ZNF395: variants seen among roughly 807,000 people sequenced by gnomAD.
The protein encoded by ZNF395 is zinc finger protein 395.
ZNF395 carries 20 observed loss-of-function variants against 57.7 expected under a neutral mutation model. That is an observed-to-expected ratio of 0.35 (90% confidence interval 0.24 to 0.50). The LOEUF (loss-of-function observed/expected upper bound fraction) is 0.50, where lower values mean the gene tolerates loss of function less well. Ranked by LOEUF, ZNF395 falls within the 20% of genes least tolerant of loss-of-function variation. The pLI, the probability that ZNF395 is intolerant of heterozygous loss-of-function variation, is 0.97. For synonymous variants in ZNF395, 295 were observed against 275.9 expected, an observed-to-expected ratio of 1.07 and a Z score of -0.69; for missense variants, 606 against 671.2, an observed-to-expected ratio of 0.90 and a Z score of 1.07.
At chr8:28,378,486 C>A (rs574380229) in intron 1 of ZNF395, among the ~76,000 whole-genome samples, 1 of 152,326 alleles carries the variant, frequency 6.6e-6, no homozygotes, top group South Asian at 2.1e-4. Flanking sequence ...AGCAATCCAC[C>A]CACCTCAGTC....
At chr8:28,358,890 G>C (rs572522954) in intron 3 of ZNF395, among the ~76,000 whole-genome samples, 2 of 152,316 alleles carry the variant, frequency 1.3e-5, no homozygotes, top group Non-Finnish European at 2.9e-5. Context: ...CAGCAGAGCT[G>C]AGCAGTGGGG....
At chr8:28,377,387 A>C (rs1215634505) in intron 1 of ZNF395, among the ~76,000 whole-genome samples, 1 of 152,218 alleles carries the variant, frequency 6.6e-6, no homozygotes, top group Non-Finnish European at 1.5e-5. Context: ...CTGGCAACAG[A>C]GTAAGATCCT....
At chr8:28,371,489 C>T (rs1240008333) in intron 1 of ZNF395, among the ~76,000 whole-genome samples, 1 of 152,162 alleles carries the variant, frequency 6.6e-6, no homozygotes, top group African/African-American at 2.4e-5. Context: ...ACAAGCTATG[C>T]TCTTTCTACT....
intron 4 of ZNF395, among the ~76,000 whole-genome samples, chr8:28,354,648 T>C (rs558546599): frequency 6.6e-6 from 1 of 152,162 alleles, no homozygotes; most frequent in South Asian, 2.1e-4. Context: ...GAAGAACTCT[T>C]CCCTGCCCAG....
intron 7 of ZNF395, among the ~76,000 whole-genome samples, chr8:28,350,497 C>A (rs1462339423): frequency 6.6e-6 from 1 of 152,216 alleles, no homozygotes; most frequent in Non-Finnish European, 1.5e-5. Context: ...AAAGAGGCCC[C>A]AAGCCTTCTG....
Position 28,361,053 on chromosome 8 carries a change from G to A in ZNF395, c.72C>T (p.Ala24=). The change falls in exon 2 of 10, where the codon GCC becomes GCT. Residue 24 remains alanine, a synonymous_variant. Transcript: ENST00000344423. Reference sequence around the variant, plus strand: ...GTGGGGCAGCCGAGGGCCCCTCCGAGGCACTGGGTCCCAACACCCGGGCTC... The same window carrying A: ...GTGGGGCAGCCGAGGGCCCCTCCGAAGCACTGGGTCCCAACACCCGGGCTC... ...LLGARVLGPS[A]SEGPSAAPPS... 1 of 1,612,004 alleles carries A rather than the reference G, an allele frequency of 6.2e-7. No homozygotes were observed. The highest frequency in any genetic ancestry group is 8.5e-7 in the Non-Finnish European group (1 of 1,179,380).
At chr8:28,366,847 C>T (rs1457873933) in intron 1 of ZNF395, among the ~76,000 whole-genome samples, 15 of 148,352 alleles carry the variant, frequency 1.0e-4, no homozygotes, top group Admixed American at 1.0e-3. Context: ...CTTCGCTAAG[C>T]ATACATGGAC....
At chr8:28,366,126 T>C (rs1028601512) in intron 1 of ZNF395, among the ~76,000 whole-genome samples, 3 of 152,204 alleles carry the variant, frequency 2.0e-5, no homozygotes, top group Non-Finnish European at 4.4e-5. Context: ...AGGGTGAAGT[T>C]TGGAGTAAGA....
chr8:28,359,798 C>T lies in ZNF395; in HGVS notation c.267G>A (p.Glu89=), dbSNP rs1472559585. 2 of 1,614,044 alleles carry T rather than the reference C, an allele frequency of 1.2e-6. No individual in the cohort carries two copies. The highest frequency in any genetic ancestry group is 2.2e-5 in the South Asian group (2 of 91,080). ...QKVYVWYGGQ[E]CTGLVEQHSW... is the part of the protein sequence containing the mutation. ...TGTGCTGCTCCACCAGTCCTGTGCA[C>T]TCTTGACCCCCGTACCACACATAAA... Residue 89 remains glutamate (E), a synonymous_variant, in exon 3 of 10, where the codon GAG becomes GAA. Transcript: ENST00000344423. This position sits in a 1 kb window ranked among gnomAD's most constrained non-coding sequence, Gnocchi z 4.7.
intron 1 of ZNF395, among the ~76,000 whole-genome samples, chr8:28,369,038 G>A (rs1801945482): frequency 6.6e-6 from 1 of 151,898 alleles, no homozygotes; most frequent in Admixed American, 6.6e-5. Context: ...GTTTCACCAA[G>A]TTGGCCAGGC....
intron 1 of ZNF395, among the ~76,000 whole-genome samples, chr8:28,382,185 AG>A (rs1802117520): frequency 6.6e-6 from 1 of 152,188 alleles, no homozygotes; most frequent in Non-Finnish European, 1.5e-5. Flanking sequence ...TCCTGTCCAT[AG>A]GGGACAGCCT....
chr8:28,374,688 G>T (rs1802019798), intron 1 of ZNF395, among the ~76,000 whole-genome samples: 1 of 152,116 alleles, frequency 6.6e-6, no homozygotes, highest in African/African-American at 2.4e-5. Context: ...AAATTTATAT[G>T]CTAGTTCAAG....
At chr8:28,369,088 G>A (rs993818935) in intron 1 of ZNF395, among the ~76,000 whole-genome samples, 1 of 151,644 alleles carries the variant, frequency 6.6e-6, no homozygotes, top group South Asian at 2.1e-4. Context: ...TGCCCACCTC[G>A]GCCTCCCAAA....
chr8:28,364,442 G>A (rs763058487), intron 1 of ZNF395, among the ~76,000 whole-genome samples: 6 of 152,032 alleles, frequency 3.9e-5, no homozygotes, highest in African/African-American at 9.7e-5. Flanking sequence ...ACTTGAGGTC[G>A]GGAGGTTCAA....
intron 4 of ZNF395, among the ~76,000 whole-genome samples, chr8:28,355,225 T>C (rs911192287): frequency 3.9e-5 from 6 of 152,166 alleles, no homozygotes; most frequent in African/African-American, 1.4e-4. Flanking sequence ...TACATAGACA[T>C]GCACACACAC....
intron 1 of ZNF395, chr8:28,385,515 C>T (rs1165561381): frequency 1.3e-5 from 2 of 151,112 alleles, no homozygotes; most frequent in African/African-American, 4.9e-5. Context: ...CGGTGGCCGC[C>T]AGGGCGGGAG....
At chr8:28,364,608 C>A (rs560359053) in intron 1 of ZNF395, among the ~76,000 whole-genome samples, 9 of 148,420 alleles carry the variant, frequency 6.1e-5, no homozygotes, top group African/African-American at 2.3e-4. Context: ...GAGCTGAGAT[C>A]GCACCACTGC....
At chr8:28,362,429 A>G (rs1432993447) in intron 1 of ZNF395, among the ~76,000 whole-genome samples, 1 of 152,222 alleles carries the variant, frequency 6.6e-6, no homozygotes, top group Non-Finnish European at 1.5e-5. Context: ...TTATGTGCAA[A>G]GCACATCCCA....
At chr8:28,382,385 A>T (rs1015188503) in intron 1 of ZNF395, among the ~76,000 whole-genome samples, 2 of 152,150 alleles carry the variant, frequency 1.3e-5, no homozygotes, top group African/African-American at 4.8e-5. Context: ...AGCCCACTTT[A>T]ACAACTTGAT....
Sources: gnomAD v4.1 joint callset for allele counts (sites outside exome capture counted in the v4.1 genomes callset) on GRCh38, gnomAD v4.1.1 for gene constraint, Gnocchi (gnomAD v3.1) non-coding constraint, MANE v1.5 for transcripts, NCBI Gene and HGNC (gene_info 2026-07-23, HGNC 2026-07-21) for gene names.